Variants in PMS1 observed in about 807,000 individuals in gnomAD.
The protein encoded by PMS1 is PMS1 homolog 1, mismatch repair system component.
PMS1 carries 79 observed loss-of-function variants against 93.1 expected under a neutral mutation model. That is an observed-to-expected ratio of 0.85 (90% confidence interval 0.71 to 1.02). PMS1 has a LOEUF of 1.02. PMS1 is among the 50% of genes least tolerant of loss of function. PMS1 has a pLI of 0.00. For synonymous variants in PMS1, 335 were observed against 363.4 expected (o/e 0.92, Z 0.89); for missense variants, 1,064 against 1,085.3 (o/e 0.98, Z 0.28).
rs774420632 is a variant in PMS1 at position 189,854,913 on chromosome 2, C to CA, written c.1647dup (p.Ser550IlefsTer6). The CA allele has an allele frequency of 8.7e-6, 14 of 1,602,288 alleles. No homozygotes were observed. The highest frequency in any genetic ancestry group is 1.3e-5 in the African/African-American group (1 of 74,482). ...TGAATCTTAATGAAGATTCATGTAA[C>CA]AAAAAATCAAATGTAATAGATAATA... On this transcript the variant is annotated frameshift_variant, in exon 9 of 13. Coordinates refer to ENST00000441310, the MANE Select transcript of PMS1 (RefSeq NM_000534.5). LOFTEE classifies it high-confidence loss of function.
rs1308687055 is a variant in PMS1, at chr2:189,863,786, CAAAT to C, written c.1901_1904del (p.Gln634ArgfsTer13). On this transcript the variant is annotated frameshift_variant, in exon 10 of 13. Transcript: ENST00000441310. LOFTEE classifies it high-confidence loss of function. ...TAAAGACTTGGAACGATACAATAGT[CAAAT>C]GAAGAGAGCCATTGAACAGGAGTCA... 2 of 1,609,124 alleles carry C rather than the reference CAAAT, an allele frequency of 1.2e-6. No homozygotes were observed. The highest frequency in any genetic ancestry group is 2.7e-5 in the African/African-American group (2 of 74,756).
At chr2:189,804,217 G>T (rs1194744931) in intron 3 of PMS1, among the ~76,000 whole-genome samples, 2 of 152,164 alleles carry the variant, frequency 1.3e-5, no homozygotes, top group Non-Finnish European at 2.9e-5. Flanking sequence ...CAGGTGGCTA[G>T]TTCTTTGGAG....
rs189863121 is a variant in PMS1, at chr2:189,854,601, T to A, written c.1329T>A (p.Asn443Lys). ...CATTTCAGGACATTTCAATGAGTAA[T>A]GTATCATGGGAGAACTCTCAGACGG... ...KNAFQDISMSNVSWENSQTEY... is the reference protein window; with the variant it reads ...KNAFQDISMSKVSWENSQTEY... Residue 443 changes from asparagine (N) to lysine (K), a missense_variant, in exon 9 of 13, where the codon AAT (asparagine) becomes AAA (lysine). Asn to Lys is a moderately conservative substitution (Grantham distance 94). Coordinates refer to ENST00000441310, the MANE Select transcript of PMS1 (RefSeq NM_000534.5). 6.2e-7 allele frequency: 1 copy of A among 1,613,748 alleles called. No homozygotes were observed. Among genetic ancestry groups the A allele is most frequent in the Non-Finnish European group, 8.5e-7 (1 of 1,179,838 alleles).
chr2:189,851,821 A>G (rs1317031701), intron 6 of PMS1, among the ~76,000 whole-genome samples: 1 of 151,110 alleles, frequency 6.6e-6, no homozygotes, highest in Non-Finnish European at 1.5e-5. Context: ...CAAAAATCAC[A>G]TAGCTAGTGG....
chr2:189,823,554 G>T (rs1313159171), intron 5 of PMS1, among the ~76,000 whole-genome samples: 2 of 151,638 alleles, frequency 1.3e-5, no homozygotes, highest in Non-Finnish European at 2.9e-5. Context: ...TTCTTGCATT[G>T]TATTTTTCCA....
chr2:189,835,913 A>AC (rs1457748607), intron 5 of PMS1, among the ~76,000 whole-genome samples: 10 of 147,404 alleles, frequency 6.8e-5, no homozygotes, highest in Non-Finnish European at 1.2e-4. Context: ...TCTCAAAAAA[A>AC]AAAAAAAAAA....
chr2:189,852,585 A>G, intron 6 of PMS1, 70 bp from the exon 7 acceptor site: 3 of 1,347,126 alleles, frequency 2.2e-6, no homozygotes, highest in Non-Finnish European at 3.2e-6. Context: ...TATACCTTTC[A>G]AAGTGTTATA....
rs377523609 is a variant in PMS1 at position 189,799,978 on chromosome 2, G to A, written c.315+4027G>A. Among the ~76,000 whole-genome samples the A allele has an allele frequency of 3.0e-4, 46 of 152,316 alleles. No homozygotes were observed. In the South Asian group the frequency reaches 9.3e-3, roughly 31 times the overall value. On this transcript the variant is annotated intron_variant, in intron 3 of 12. Coordinates refer to ENST00000441310, the MANE Select transcript of PMS1 (RefSeq NM_000534.5). The stretch of plus-strand genomic sequence containing the variant: ...AGCCAGCCTACAATGTAGGTCTTCT[G>A]TGCTTCAGTTTCTTCATAGTACTGA...
intron 5 of PMS1, among the ~76,000 whole-genome samples, chr2:189,827,077 A>T (rs1233292): frequency 0.02 from 2,976 of 152,256 alleles, 93 homozygotes; most frequent in African/African-American, 0.067. Context: ...GAACTAATAA[A>T]GAATCATATA....
chr2:189,830,418 T>C (rs2052822357), intron 5 of PMS1, among the ~76,000 whole-genome samples: 1 of 152,210 alleles, frequency 6.6e-6, no homozygotes, highest in East Asian at 1.9e-4. Flanking sequence ...CCTCAACTTT[T>C]AGGTCTTCAC....
intron 2 of PMS1, among the ~76,000 whole-genome samples, chr2:189,792,359 A>G (rs1463166985): frequency 1.3e-5 from 2 of 152,070 alleles, no homozygotes; most frequent in African/African-American, 2.4e-5. Context: ...TATGGCCTAT[A>G]TCACTCATTA....
intron 5 of PMS1, among the ~76,000 whole-genome samples, chr2:189,840,056 T>C (rs764258381): frequency 2.0e-5 from 3 of 152,194 alleles, no homozygotes; most frequent in Admixed American, 6.5e-5. Context: ...ATTGAACCTA[T>C]ACCTTATATT....
At chr2:189,830,851 A>T (rs1233813623) in intron 5 of PMS1, among the ~76,000 whole-genome samples, 2 of 152,206 alleles carry the variant, frequency 1.3e-5, no homozygotes, top group African/African-American at 2.4e-5. Context: ...GGACAGAGAG[A>T]TAGCAAAACA....
intron 5 of PMS1, among the ~76,000 whole-genome samples, chr2:189,841,476 G>A (rs2053818182): frequency 6.6e-6 from 1 of 152,326 alleles, no homozygotes; most frequent in Admixed American, 6.5e-5. Context: ...AGATGGCACA[G>A]ATCAGCAAGC....
In PMS1 at chr2:189,812,091, A is replaced by C. The variant is rs186717147; in HGVS notation, c.419-5926A>C. Among the ~76,000 whole-genome samples, 29 of 152,298 alleles carry C rather than the reference A, an allele frequency of 1.9e-4. 1 individual carries two copies. Among genetic ancestry groups the C allele is most frequent in the Admixed American group, 1.5e-3 (23 of 15,302 alleles). On this transcript the variant is annotated intron_variant, in intron 4 of 12. Coordinates refer to ENST00000441310, the MANE Select transcript of PMS1 (RefSeq NM_000534.5). Reference sequence around the variant, plus strand: ...CGAGGCAGGTGGATCATCTGAGGTCAGGAGTTCAAGACCAGCCTGGCCAAC... The same window carrying C: ...CGAGGCAGGTGGATCATCTGAGGTCCGGAGTTCAAGACCAGCCTGGCCAAC...
chr2:189,785,548 GTGTGATTGATATAAAACCCC>G (rs1440192974), intron 1 of PMS1: 3 of 152,228 alleles, frequency 2.0e-5, no homozygotes, highest in Non-Finnish European at 4.4e-5. Context: ...TGCTAGCGAT[GTGTGATTGATATAAAACCCC>G]TGTCCTCAAA....
intron 4 of PMS1, among the ~76,000 whole-genome samples, chr2:189,809,959 C>G (rs1372530701): frequency 6.6e-6 from 1 of 152,166 alleles, no homozygotes; most frequent in Non-Finnish European, 1.5e-5. Flanking sequence ...ACAGGTATCT[C>G]TTTTTACTTT....
At chr2:189,870,560 C>G (rs1303125513) in intron 11 of PMS1, among the ~76,000 whole-genome samples, 1 of 152,140 alleles carries the variant, frequency 6.6e-6, no homozygotes, top group African/African-American at 2.4e-5. Context: ...TTTACAAACA[C>G]AGAAGTTAAA....
At chr2:189,839,178 G>A (rs1480765237) in intron 5 of PMS1, among the ~76,000 whole-genome samples, 1 of 152,056 alleles carries the variant, frequency 6.6e-6, no homozygotes, top group East Asian at 1.9e-4. Context: ...TTTTAGTAGA[G>A]ATGGGGTTTC....
Sources: allele counts gnomAD v4.1 joint callset (sites outside exome capture counted in the v4.1 genomes callset), GRCh38; gene constraint gnomAD v4.1.1; transcripts MANE v1.5; gene names NCBI Gene and HGNC (gene_info 2026-07-23, HGNC 2026-07-21).